HDGFL3: variants seen among roughly 807,000 people sequenced by gnomAD.
HDGFL3 encodes the protein hepatoma-derived growth factor-related protein 3.
In HDGFL3, 6 loss-of-function variants were observed where a neutral mutation model predicts 27.6. The ratio of observed to expected loss-of-function variants is 0.22; its 90% CI spans 0.12 to 0.43. The LOEUF is 0.43. HDGFL3 is among the 20% of genes least tolerant of loss of function. The pLI, the probability that HDGFL3 is intolerant of heterozygous loss-of-function variation, is 1.00. For missense variants in HDGFL3, 207 were observed against 250.1 expected (o/e 0.83, Z 1.16); for synonymous variants, 88 against 88.9 (o/e 0.99, Z 0.05).
intron 1 of HDGFL3, among the ~76,000 whole-genome samples, chr15:83,170,998 A>C (rs1351202451): frequency 6.6e-6 from 1 of 152,238 alleles, no homozygotes; most frequent in African/African-American, 2.4e-5. Flanking sequence ...CATCAGAGAA[A>C]TGCAAATCAA....
chr15:83,183,501 C>G (rs1319815609), intron 1 of HDGFL3, among the ~76,000 whole-genome samples: 1 of 152,156 alleles, frequency 6.6e-6, no homozygotes, highest in Non-Finnish European at 1.5e-5. Flanking sequence ...TGGCTCACAC[C>G]TGTAATCCCT....
At chr15:83,197,749 G>A (rs1320348595) in intron 1 of HDGFL3, among the ~76,000 whole-genome samples, 2 of 152,110 alleles carry the variant, frequency 1.3e-5, no homozygotes, top group African/African-American at 2.4e-5. Context: ...GTCAGCAAAC[G>A]TGTGGAACTT....
At chr15:83,157,303 TC>T (rs1229387068) in intron 4 of HDGFL3, 111 bp downstream of exon 4, 3 of 1,065,124 alleles carry the variant, frequency 2.8e-6, no homozygotes, top group African/African-American at 1.6e-5. Flanking sequence ...AGGCAGAGGC[TC>T]CATAGAATTT....
intron 2 of HDGFL3, among the ~76,000 whole-genome samples, chr15:83,159,499 T>C (rs1213877689): frequency 6.6e-6 from 1 of 152,124 alleles, no homozygotes; most frequent in African/African-American, 2.4e-5. Context: ...GAGCACATGT[T>C]CTAGTGGCAG....
chr15:83,129,461 CATA>C lies in HDGFL3; in HGVS notation c.*9806_*9808del, dbSNP rs1038760222. 5.3e-5 allele frequency: 8 copies of C among 152,086 alleles called. No individual in the cohort carries two copies. Among genetic ancestry groups the C allele is most frequent in the African/African-American group, 1.2e-4 (5 of 41,404 alleles). 9.4% of individuals were successfully genotyped at this position (152,086 alleles called of 1,614,324 possible). A position where few individuals can be genotyped will look rare whatever the true frequency, so the allele number is the denominator to read the frequency against. On this transcript the variant is annotated 3_prime_UTR_variant, in exon 6 of 6. Transcript: ENST00000299633. ...CTCAGAATAAACAGCACAATGGACA[CATA>C]ATAATATCTTTTGTAATAGCTCTGG...
At chr15:83,162,169 T>C (rs2037109540) in intron 2 of HDGFL3, among the ~76,000 whole-genome samples, 2 of 152,208 alleles carry the variant, frequency 1.3e-5, no homozygotes, top group South Asian at 4.1e-4. Context: ...GGCCAGGCAC[T>C]GTGTTAAGCA....
chr15:83,143,836 T>C (rs1318843247), intron 5 of HDGFL3, among the ~76,000 whole-genome samples: 2 of 151,966 alleles, frequency 1.3e-5, no homozygotes, highest in Admixed American at 6.5e-5. Context: ...ACAGTAAACA[T>C]TGTAGCTATC....
chr15:83,192,721 T>G (rs993184453), intron 1 of HDGFL3, among the ~76,000 whole-genome samples: 1 of 152,156 alleles, frequency 6.6e-6, no homozygotes, highest in Non-Finnish European at 1.5e-5. Context: ...AAGTTTTGGG[T>G]TTTTTGAGTC....
At chr15:83,201,039 T>C (rs962895757) in intron 1 of HDGFL3, among the ~76,000 whole-genome samples, 5 of 152,124 alleles carry the variant, frequency 3.3e-5, no homozygotes, top group African/African-American at 7.2e-5. Flanking sequence ...ATTTGTAACA[T>C]GAAGGTCAAC....
intron 1 of HDGFL3, among the ~76,000 whole-genome samples, chr15:83,201,646 T>C (rs868340793): frequency 2.6e-5 from 4 of 152,202 alleles, no homozygotes; most frequent in Non-Finnish European, 5.9e-5. Context: ...AAGAATCAAA[T>C]ACAATCTCTA....
chr15:83,198,363 T>C (rs1370205332), intron 1 of HDGFL3, among the ~76,000 whole-genome samples: 1 of 152,196 alleles, frequency 6.6e-6, no homozygotes, highest in East Asian at 1.9e-4. Flanking sequence ...TACTTTCCCT[T>C]TGGCCTACTG....
downstream of HDGFL3, chr15:83,122,910 C>G (rs751068743): frequency 1.2e-6 from 2 of 1,611,080 alleles, no homozygotes; most frequent in Non-Finnish European, 1.7e-6. Context: ...GTACCCTGTT[C>G]TCAAACTCAT....
rs952487577 is a variant in HDGFL3 at position 83,134,903 on chromosome 15, A to G, written c.*4367T>C. ...GCTCAGAGTTCCTAGAATGTCCAGA[A>G]AGCACCTCCTCAGGGCAGCCCTGAA... On this transcript the variant is annotated 3_prime_UTR_variant, in exon 6 of 6. Coordinates refer to ENST00000299633, the MANE Select transcript of HDGFL3 (RefSeq NM_016073.4). 1 of 152,252 alleles carries G rather than the reference A, an allele frequency of 6.6e-6. No individual in the cohort carries two copies. Among genetic ancestry groups the G allele is most frequent in the Admixed American group, 6.5e-5 (1 of 15,284 alleles). 9.4% of individuals were successfully genotyped at this position (152,252 alleles called of 1,614,324 possible).
intron 1 of HDGFL3, among the ~76,000 whole-genome samples, chr15:83,177,206 A>G (rs1038360571): frequency 5.3e-5 from 8 of 152,368 alleles, no homozygotes; most frequent in African/African-American, 1.9e-4. Flanking sequence ...GGCGTGAGCC[A>G]TTTTGCATTT....
At chr15:83,149,813 G>A (rs1022898171) in intron 5 of HDGFL3, among the ~76,000 whole-genome samples, 3 of 152,118 alleles carry the variant, frequency 2.0e-5, no homozygotes, top group Admixed American at 2.0e-4. Context: ...AAGATTAAGG[G>A]AGACCTTAGG....
intron 1 of HDGFL3, among the ~76,000 whole-genome samples, chr15:83,169,414 C>CAAGA (rs2037216163): frequency 2.8e-5 from 1 of 35,570 alleles, no homozygotes; most frequent in Non-Finnish European, 5.4e-5. Context: ...GACTCCGTCT[C>CAAGA]AAAAAAAAAA....
chr15:83,207,226 C>A lies in HDGFL3; in HGVS notation c.84+105G>T, dbSNP rs2037730036. The A allele has an allele frequency of 1.3e-6, 1 of 785,342 alleles. No homozygotes were observed. The highest frequency in any genetic ancestry group is 4.6e-5 in the South Asian group (1 of 21,534). The allele number at this position is 785,342 out of a possible 1,614,324, so 48.6% of individuals were successfully genotyped here. Reference sequence around the variant, plus strand: ...CCTCAGCCCTCACCACAGCCGGCCGCGAGCTGCGGGCTCGGGGCTGAGGCG... The same window carrying A: ...CCTCAGCCCTCACCACAGCCGGCCGAGAGCTGCGGGCTCGGGGCTGAGGCG... On this transcript the variant is annotated intron_variant, in intron 1 of 5. Transcript: ENST00000299633. This position sits in a 1 kb window ranked among gnomAD's most constrained non-coding sequence, Gnocchi z 4.8.
At chr15:83,139,411 T>C (rs929176563) in intron 5 of HDGFL3, 136 bp from the exon 6 acceptor site, 7 of 464,180 alleles carry the variant, frequency 1.5e-5, no homozygotes, top group Admixed American at 3.5e-5. Context: ...TAACAATACT[T>C]ACTGAGCAAG....
rs926526127 is a variant in HDGFL3, at chr15:83,136,141, T to A, written c.*3129A>T. The A allele has an allele frequency of 3.2e-5, 6 of 184,802 alleles. No homozygotes were observed. Among genetic ancestry groups the A allele is most frequent in the African/African-American group, 1.4e-4 (6 of 42,808 alleles). 11.4% of individuals were successfully genotyped at this position (184,802 alleles called of 1,614,324 possible). On this transcript the variant is annotated 3_prime_UTR_variant, in exon 6 of 6. Coordinates refer to ENST00000299633, the MANE Select transcript of HDGFL3 (RefSeq NM_016073.4). ...TCCAGAACGCAAATCAGAAAAAAAT[T>A]TGAGATTTTATTCAGATTTTTCTAT...
Sources: gnomAD v4.1 joint callset for allele counts (sites outside exome capture counted in the v4.1 genomes callset) on GRCh38, gnomAD v4.1.1 for gene constraint, Gnocchi (gnomAD v3.1) non-coding constraint, MANE v1.5 for transcripts, NCBI Gene and HGNC (gene_info 2026-07-23, HGNC 2026-07-21) for gene names.